Variants in AK6 observed in about 807,000 individuals in gnomAD.
AK6 encodes adenylate kinase isoenzyme 6.
AK6 carries 24 observed loss-of-function variants against 23.7 expected under a neutral mutation model. The ratio of observed to expected loss-of-function variants is 1.01; its 90% CI spans 0.73 to 1.43. The LOEUF is 1.43. Among genes scored for constraint, AK6 ranks in the 40% most tolerant of loss-of-function variants. The pLI is 0.00. For missense variants in AK6, 191 were observed against 199.1 expected (o/e 0.96, Z 0.24); for synonymous variants, 73 against 69.8 (o/e 1.05, Z -0.23).
intron 1 of AK6, among the ~76,000 whole-genome samples, chr5:69,368,096 G>C (rs1041540251): frequency 6.6e-6 from 1 of 152,150 alleles, no homozygotes; most frequent in Non-Finnish European, 1.5e-5. Context: ...CTTCCCTAGA[G>C]ATAACCACTG....
intron 2 of AK6, among the ~76,000 whole-genome samples, chr5:69,363,677 G>A (rs1244384654): frequency 6.6e-6 from 1 of 152,128 alleles, no homozygotes; most frequent in Non-Finnish European, 1.5e-5. Flanking sequence ...CCAGCTACTT[G>A]GGAGGCTGAG....
At chr5:69,358,461 T>G (rs1762138939) in intron 2 of AK6, among the ~76,000 whole-genome samples, 1 of 131,900 alleles carries the variant, frequency 7.6e-6, no homozygotes, top group African/African-American at 2.9e-5. Context: ...GAGGCTGCAG[T>G]GAGCTGAGAT....
At chr5:69,366,724 G>A (rs867676739) in intron 1 of AK6, 129 bp from the exon 2 acceptor site, 7 of 679,032 alleles carry the variant, frequency 1.0e-5, no homozygotes, top group Middle Eastern at 2.5e-4. Context: ...AGTTCTTGAC[G>A]ACTGAAATGA....
chr5:69,365,973 G>T (rs1455094898), intron 2 of AK6, among the ~76,000 whole-genome samples: 3 of 152,084 alleles, frequency 2.0e-5, no homozygotes, highest in African/African-American at 2.4e-5. Context: ...ACTATAAAAA[G>T]ATGAAGACAC....
chr5:69,357,070 T>C (rs1762102470), intron 2 of AK6, among the ~76,000 whole-genome samples: 1 of 152,156 alleles, frequency 6.6e-6, no homozygotes, highest in Admixed American at 6.5e-5. Context: ...CCCACCTCTT[T>C]CCCCTTAATA....
intron 2 of AK6, among the ~76,000 whole-genome samples, chr5:69,356,155 G>A (rs1762079068): frequency 6.6e-6 from 1 of 152,126 alleles, no homozygotes; most frequent in African/African-American, 2.4e-5. Context: ...TTGTTTAGAG[G>A]GAAACTTGGA....
chr5:69,352,474 T>A (rs1483322578), intron 4 of AK6, among the ~76,000 whole-genome samples: 1 of 150,112 alleles, frequency 6.7e-6, no homozygotes, highest in Non-Finnish European at 1.5e-5. Context: ...TTGTTTGAAT[T>A]TCCCCCCCCC....
chr5:69,366,728 G>A, intron 1 of AK6, 133 bp from the exon 2 acceptor site: 1 of 669,048 alleles, frequency 1.5e-6, no homozygotes, highest in Admixed American at 2.6e-5. Context: ...CTTGACGACT[G>A]AAATGAAAAA....
chr5:69,363,829 T>C (rs564501298), intron 2 of AK6, among the ~76,000 whole-genome samples: 33 of 150,602 alleles, frequency 2.2e-4, no homozygotes, highest in African/African-American at 7.8e-4. Context: ...AGCTCACACC[T>C]GTAATCCCAG....
intron 3 of AK6, 41 bp from the exon 4 acceptor site, chr5:69,355,835 T>C: frequency 6.3e-7 from 1 of 1,596,628 alleles, no homozygotes; most frequent in South Asian, 1.1e-5. Context: ...TTAAGAAAAC[T>C]GAAGTCAACT....
At chr5:69,352,602 T>C (rs1185229623) in intron 4 of AK6, among the ~76,000 whole-genome samples, 2 of 152,104 alleles carry the variant, frequency 1.3e-5, no homozygotes, top group East Asian at 3.8e-4. Context: ...TCTGAGTAAA[T>C]ATTTCTCCAA....
At chr5:69,358,710 C>T (rs1224778427) in intron 2 of AK6, among the ~76,000 whole-genome samples, 2 of 151,794 alleles carry the variant, frequency 1.3e-5, no homozygotes, top group Admixed American at 1.3e-4. Flanking sequence ...GGATCCTAAA[C>T]TTCATTTCAA....
At chr5:69,369,702 A>T (rs765805325), upstream of AK6, 25 of 1,552,296 alleles carry the variant, frequency 1.6e-5, no homozygotes, top group East Asian at 5.1e-4. Flanking sequence ...GAGGGTGGGC[A>T]TAACTCGGGT....
At chr5:69,360,970 T>C (rs1762217265) in intron 2 of AK6, among the ~76,000 whole-genome samples, 1 of 152,198 alleles carries the variant, frequency 6.6e-6, no homozygotes, top group South Asian at 2.1e-4. Context: ...TATTACTTCG[T>C]CTAGACCTAT....
intron 1 of AK6, chr5:69,367,735 G>A (rs1762524166): frequency 6.6e-6 from 1 of 151,950 alleles, no homozygotes; most frequent in African/African-American, 2.4e-5. Flanking sequence ...TGTAGAGACG[G>A]GGTTTGGCTA....
chr5:69,367,562 T>C (rs1762504087), intron 1 of AK6, among the ~76,000 whole-genome samples: 1 of 151,796 alleles, frequency 6.6e-6, no homozygotes. Context: ...TTATTTACCT[T>C]TTTCTTTTTT....
chr5:69,361,969 CTTT>C (rs112797204), intron 2 of AK6, among the ~76,000 whole-genome samples: 10 of 104,828 alleles, frequency 9.5e-5, no homozygotes, highest in East Asian at 2.9e-4. Flanking sequence ...ACTTGATTCC[CTTT>C]TTTTTTTTTT....
chr5:69,366,689 G>A, intron 1 of AK6, 94 bp from the exon 2 acceptor site: 1 of 915,570 alleles, frequency 1.1e-6, no homozygotes, highest in East Asian at 2.4e-5. Flanking sequence ...TTGAGACAGA[G>A]TCTCACCTGG....
At chr5:69,364,191 CA>C (rs973000493) in intron 2 of AK6, among the ~76,000 whole-genome samples, 5 of 149,934 alleles carry the variant, frequency 3.3e-5, no homozygotes, top group Admixed American at 3.3e-4. Flanking sequence ...TTCTTTTGGA[CA>C]AAAAAATATT....
Sources: gnomAD v4.1 joint callset for allele counts (sites outside exome capture counted in the v4.1 genomes callset) on GRCh38, gnomAD v4.1.1 for gene constraint, MANE v1.5 for transcripts, NCBI Gene and HGNC (gene_info 2026-07-23, HGNC 2026-07-21) for gene names.